PKD2L1: variants seen among roughly 807,000 people sequenced by gnomAD.
PKD2L1 encodes the protein polycystin-2-like protein 1.
Under a neutral mutation model 93.0 loss-of-function variants are expected in PKD2L1, and 77 were observed. That is an observed-to-expected ratio of 0.83 (90% confidence interval 0.69 to 1.00). The LOEUF is 1.00. PKD2L1 is among the 50% of genes least tolerant of loss of function. The pLI is 0.00. For missense variants in PKD2L1, 977 were observed against 990.9 expected (o/e 0.99, Z 0.19); for synonymous variants, 390 against 388.0 (o/e 1.01, Z -0.06).
intron 2 of PKD2L1, among the ~76,000 whole-genome samples, chr10:100,307,480 G>A (rs781453101): frequency 3.9e-5 from 6 of 152,118 alleles, no homozygotes; most frequent in Non-Finnish European, 8.8e-5. Context: ...GCAAAACTGG[G>A]AGACCTTGTC....
intron 2 of PKD2L1, among the ~76,000 whole-genome samples, chr10:100,302,204 T>C (rs1382139313): frequency 1.3e-5 from 2 of 151,666 alleles, no homozygotes; most frequent in Non-Finnish European, 2.9e-5. Context: ...TCAGAAGAGC[T>C]TTCCCTTATT....
At position 100,295,107 on chromosome 10, in the gene PKD2L1, C is replaced by G. The variant is rs760812744; in HGVS notation, c.1373G>C (p.Ser458Thr). Residue 458 changes from serine (S) to threonine (T), a missense_variant, in exon 8 of 16, where the codon AGC (serine) becomes ACC (threonine). Ser to Thr is a moderately conservative substitution (Grantham distance 58, BLOSUM62 1). Coordinates refer to ENST00000318222, the MANE Select transcript of PKD2L1 (RefSeq NM_016112.3). ...FAWIKIFKYI[S>T]FNKTMTQLSS... ...GAGCTGGGTCATGGTTTTGTTGAAG[C>G]TGATGTACTTGAATATCTGGAAGGA... The G allele has an allele frequency of 5.0e-6, 8 of 1,613,706 alleles. No individual in the cohort carries two copies. The Admixed American group carries it at 6.7e-5, about 13-fold the overall frequency.
chr10:100,328,565 C>A (rs1849428664), intron 2 of PKD2L1, among the ~76,000 whole-genome samples: 1 of 150,378 alleles, frequency 6.6e-6, no homozygotes, highest in South Asian at 2.1e-4. Context: ...ACTATCTTTC[C>A]AAACAGAAGG....
chr10:100,291,186 G>A, intron 12 of PKD2L1, 115 bp downstream of exon 12: 1 of 1,101,998 alleles, frequency 9.1e-7, no homozygotes, highest in Non-Finnish European at 1.3e-6. Flanking sequence ...ATTCTAGAGA[G>A]TTCTTTACTA....
chr10:100,291,198 C>CT, intron 12 of PKD2L1, 103 bp downstream of exon 12: 1 of 1,212,042 alleles, frequency 8.3e-7, no homozygotes, highest in Non-Finnish European at 1.2e-6. Context: ...TCTTTACTAT[C>CT]TATGGGAGAG....
rs571303974 is a variant in PKD2L1, at chr10:100,298,548, A to G, written c.731+14T>C. 1.2e-6 allele frequency: 2 copies of G among 1,613,246 alleles called. No individual in the cohort carries two copies. The highest frequency in any genetic ancestry group is 2.2e-5 in the South Asian group (2 of 90,966). On this transcript the variant is annotated intron_variant, in intron 4 of 15. Transcript: ENST00000318222. ...GGGCAAGCCCTGTGATATTGGTAGG[A>G]CAGGCTCACTCACGCTGTGCCATTG...
Position 100,298,775 on chromosome 10 carries a change from T to G in PKD2L1, c.518A>C (p.Lys173Thr). Residue 173 changes from lysine to threonine, a missense_variant, in exon 4 of 16, where the codon AAA becomes ACA. Transcript: ENST00000318222. The part of the protein sequence containing the change: ...GPLLDSLYWT[K>T]WYNNQSLGHG... ...GCCCAGGCTCTGGTTGTTGTACCAT[T>G]TGGTCCAATACAAACTGTCCAGTAG... 6.2e-7 allele frequency: 1 copy of G among 1,613,624 alleles called. No individual in the cohort carries two copies. The highest frequency in any genetic ancestry group is 1.1e-5 in the South Asian group (1 of 91,052).
rs1811464946 is a variant in PKD2L1 at position 100,298,552 on chromosome 10, G to A, written c.731+10C>T. The A allele has an allele frequency of 6.2e-7, 1 of 1,613,304 alleles. No individual in the cohort carries two copies. Among genetic ancestry groups the A allele is most frequent in the African/African-American group, 1.3e-5 (1 of 74,908 alleles). On this transcript the variant is annotated intron_variant, in intron 4 of 15. Coordinates refer to ENST00000318222, the MANE Select transcript of PKD2L1 (RefSeq NM_016112.3). Reference sequence around the variant, plus strand: ...AAGCCCTGTGATATTGGTAGGACAGGCTCACTCACGCTGTGCCATTGAAGG... The same window carrying A: ...AAGCCCTGTGATATTGGTAGGACAGACTCACTCACGCTGTGCCATTGAAGG...
chr10:100,308,546 G>A (rs1041428272), intron 2 of PKD2L1, among the ~76,000 whole-genome samples: 1 of 152,052 alleles, frequency 6.6e-6, no homozygotes, highest in South Asian at 2.1e-4. Flanking sequence ...TGTTGACCAG[G>A]CTAGTCTCGA....
chr10:100,301,127 G>A (rs1247438647), intron 2 of PKD2L1, among the ~76,000 whole-genome samples: 1 of 152,152 alleles, frequency 6.6e-6, no homozygotes, highest in Non-Finnish European at 1.5e-5. Flanking sequence ...ATTTTCAAAG[G>A]GGAGGGAGTG....
intron 2 of PKD2L1, among the ~76,000 whole-genome samples, chr10:100,325,605 G>A (rs538117122): frequency 1.3e-5 from 2 of 152,176 alleles, no homozygotes; most frequent in Non-Finnish European, 2.9e-5. Context: ...GCAGTTAAAT[G>A]GCACATTTTC....
chr10:100,297,505 C>G lies in PKD2L1; in HGVS notation c.833G>C (p.Arg278Pro), dbSNP rs17112895. 6.2e-7 allele frequency: 1 copy of G among 1,614,068 alleles called. No homozygotes were observed. Among genetic ancestry groups the G allele is most frequent in the Non-Finnish European group, 8.5e-7 (1 of 1,180,012 alleles). The change falls in exon 5 of 16, where the codon CGA becomes CCA. Residue 278 changes from arginine to proline, a missense_variant. Transcript: ENST00000318222. ...CCGGAGAGCCTCTGCACTACCCTGT[C>G]GGGATCCTGGAAGGTCCAGGTAGTA... ...GGYYLDLPGS[R>P]QGSAEALRAL...
intron 7 of PKD2L1, 101 bp downstream of exon 7, chr10:100,296,021 C>T (rs536163966): frequency 2.3e-5 from 24 of 1,054,094 alleles, no homozygotes; most frequent in African/African-American, 1.1e-4. Flanking sequence ...TGGGCAAGAG[C>T]GAGACTCCAT....
intron 11 of PKD2L1, among the ~76,000 whole-genome samples, chr10:100,291,782 A>G (rs144506396): frequency 6.6e-6 from 1 of 152,272 alleles, no homozygotes; most frequent in African/African-American, 2.4e-5. Context: ...TGCAGATCTA[A>G]AAATGTGCCT....
chr10:100,293,212 G>A (rs1848444927), intron 10 of PKD2L1, 69 bp downstream of exon 10: 7 of 1,522,822 alleles, frequency 4.6e-6, no homozygotes, highest in Non-Finnish European at 5.5e-6. Context: ...GTCAGGAACA[G>A]ACCAGGACAC....
intron 2 of PKD2L1, among the ~76,000 whole-genome samples, chr10:100,302,006 T>C (rs1467419737): frequency 1.3e-5 from 2 of 152,166 alleles, no homozygotes; most frequent in African/African-American, 4.8e-5. Context: ...CAGCAAATTT[T>C]GTATTTTTAG....
intron 2 of PKD2L1, among the ~76,000 whole-genome samples, chr10:100,321,445 G>A (rs1210885299): frequency 2.0e-5 from 3 of 150,348 alleles, no homozygotes; most frequent in African/African-American, 4.9e-5. Context: ...GGGTGACAGA[G>A]CGAGACTCTG....
At chr10:100,315,434 A>G (rs1178529941) in intron 2 of PKD2L1, among the ~76,000 whole-genome samples, 1 of 151,716 alleles carries the variant, frequency 6.6e-6, no homozygotes, top group Non-Finnish European at 1.5e-5. Flanking sequence ...CTTGCCCCCT[A>G]CCCCGTGACA....
In PKD2L1 at chr10:100,298,673, T is replaced by A; in HGVS notation, c.620A>T (p.Asn207Ile). The A allele has an allele frequency of 6.2e-7, 1 of 1,614,170 alleles. No individual in the cohort carries two copies. Among genetic ancestry groups the A allele is most frequent in the East Asian group, 2.2e-5 (1 of 44,876 alleles). ...GTCTTCATGCACCACACAGGAGTCATTGCGGACCTTTAGCTGCCGCAGCCT... is the reference window on the plus strand; with the variant it reads ...GTCTTCATGCACCACACAGGAGTCAATGCGGACCTTTAGCTGCCGCAGCCT... Reference protein sequence around the residue: ...VPRLRQLKVRNDSCVVHEDFR... With the variant: ...VPRLRQLKVRIDSCVVHEDFR... The change falls in exon 4 of 16, where the codon AAT (asparagine) becomes ATT (isoleucine). Residue 207 changes from asparagine to isoleucine, a missense_variant. Asn to Ile is a moderately radical substitution (Grantham distance 149, BLOSUM62 -3). Coordinates refer to ENST00000318222, the MANE Select transcript of PKD2L1 (RefSeq NM_016112.3).
Sources: allele counts gnomAD v4.1 joint callset (sites outside exome capture counted in the v4.1 genomes callset), GRCh38; gene constraint gnomAD v4.1.1; transcripts MANE v1.5; gene names NCBI Gene and HGNC (gene_info 2026-07-23, HGNC 2026-07-21).